Variants in ADCY2 observed in about 807,000 individuals in gnomAD.
ADCY2 encodes adenylate cyclase type 2.
A neutral mutation model predicts 125.2 loss-of-function variants in ADCY2; 31 were observed. That is an observed-to-expected ratio of 0.25 (90% CI 0.19 to 0.33). The LOEUF is 0.33. Ranked by LOEUF, ADCY2 falls within the 10% of genes least tolerant of loss-of-function variation. The pLI is 1.00. For missense variants in ADCY2, 904 were observed against 1,418.2 expected (o/e 0.64, Z 5.82); for synonymous variants, 512 against 548.4 (o/e 0.93, Z 0.93).
rs776900717 is a variant in ADCY2 at position 7,396,536 on chromosome 5, G to T, written c.210+30G>T. 6.5e-7 allele frequency: 1 copy of T among 1,538,488 alleles called. No individual in the cohort carries two copies. The highest frequency in any genetic ancestry group is 1.2e-5 in the South Asian group (1 of 85,720). On this transcript the variant is annotated intron_variant, in intron 1 of 24. Coordinates refer to ENST00000338316, the MANE Select transcript of ADCY2 (RefSeq NM_020546.3). The surrounding 1 kb of genome is among the most constrained non-coding windows in gnomAD (Gnocchi z 5.7). ...GTGGCCTCCCCGCGGGTCCAGCGCC[G>T]CGCCTTCCCCGGCCCTGAGAGGAGC...
chr5:7,420,961 C>G (rs1740180780), intron 2 of ADCY2, among the ~76,000 whole-genome samples: 1 of 152,094 alleles, frequency 6.6e-6, no homozygotes. Context: ...TGTCCTGGTG[C>G]ATCTAGTAAG....
In ADCY2 at chr5:7,709,383, C is replaced by G; in HGVS notation, c.1574C>G (p.Thr525Ser). 1 of 1,593,146 alleles carries G rather than the reference C, an allele frequency of 6.3e-7. No individual in the cohort carries two copies. The highest frequency in any genetic ancestry group is 8.5e-7 in the Non-Finnish European group (1 of 1,169,968). Residue 525 changes from threonine (T) to serine (S), a missense_variant, in exon 10 of 25, where the codon ACC becomes AGC. Around this residue, in one of 7 missense-constraint regions of ADCY2, gnomAD observed 144 missense variants for 227.7 expected, o/e 0.63. Coordinates refer to ENST00000338316, the MANE Select transcript of ADCY2 (RefSeq NM_020546.3). The surrounding 1 kb of genome is among the most constrained non-coding windows in gnomAD (Gnocchi z 4.4). ...SMTTENGKIS[T>S]TDVPMGQHNF... ...ACCACAGAGAACGGCAAGATCAGCA[C>G]CACGGTATGCCCTCCCCTGCCTCCA...
chr5:7,744,329 G>A (rs917258169), intron 15 of ADCY2, among the ~76,000 whole-genome samples: 1 of 152,048 alleles, frequency 6.6e-6, no homozygotes, highest in African/African-American at 2.4e-5. Context: ...CATGGCACAT[G>A]TATGCCTATG....
At chr5:7,677,793 C>A (rs1740184078) in intron 4 of ADCY2, among the ~76,000 whole-genome samples, 1 of 152,184 alleles carries the variant, frequency 6.6e-6, no homozygotes, top group Non-Finnish European at 1.5e-5. Flanking sequence ...TGTTCCAAAC[C>A]ACTAGTTTTG....
At chr5:7,512,307 G>A (rs1005970545) in intron 2 of ADCY2, among the ~76,000 whole-genome samples, 4 of 146,060 alleles carry the variant, frequency 2.7e-5, no homozygotes, top group African/African-American at 1.0e-4. Context: ...TTAACATATT[G>A]TTTTGACTTC....
rs1193876992 is a variant in ADCY2, at chr5:7,534,825, A to C, written c.570+13926A>C. Among the ~76,000 whole-genome samples, 3 of 152,198 alleles carry C rather than the reference A, an allele frequency of 2.0e-5. No individual in the cohort carries two copies. In the East Asian group the frequency reaches 5.8e-4, roughly 29 times the overall value. On this transcript the variant is annotated intron_variant, in intron 3 of 24. Coordinates refer to ENST00000338316, the MANE Select transcript of ADCY2 (RefSeq NM_020546.3). ...CCAGTGGTAAATCACTGATCAGAAG[A>C]TAAAGGTTGATGTGGTGGGGGCCTC...
intron 3 of ADCY2, among the ~76,000 whole-genome samples, chr5:7,560,845 T>C (rs1454682254): frequency 6.6e-6 from 1 of 152,044 alleles, no homozygotes; most frequent in Non-Finnish European, 1.5e-5. Context: ...TGCACCACCA[T>C]GCCTGGCTAA....
chr5:7,733,876 GAACCTTCAAGTGTCCAT>G (rs1327294606), intron 14 of ADCY2, among the ~76,000 whole-genome samples: 2 of 152,094 alleles, frequency 1.3e-5, no homozygotes, highest in African/African-American at 4.8e-5. Flanking sequence ...CCACATCTCA[GAACCTTCAAGTGTCCAT>G]AACATCTCAA....
rs1745499352 is a variant in ADCY2, at chr5:7,826,931, G to T, written c.*60G>T. The T allele has an allele frequency of 1.5e-5, 23 of 1,545,900 alleles. No individual in the cohort carries two copies. Reference sequence around the variant, plus strand: ...TTCAGGAAGGTATCACACACTTTCTGACTGCAACTTCTGTCCCTTGTTTTT... The same window carrying T: ...TTCAGGAAGGTATCACACACTTTCTTACTGCAACTTCTGTCCCTTGTTTTT... On this transcript the variant is annotated 3_prime_UTR_variant, in exon 25 of 25. Coordinates refer to ENST00000338316, the MANE Select transcript of ADCY2 (RefSeq NM_020546.3).
intron 3 of ADCY2, among the ~76,000 whole-genome samples, chr5:7,610,894 G>A (rs1737553853): frequency 6.6e-6 from 1 of 152,204 alleles, no homozygotes; most frequent in Non-Finnish European, 1.5e-5. Flanking sequence ...ATTTTAAAAT[G>A]CATAATCTAA....
chr5:7,510,857 T>C (rs1214988018), intron 2 of ADCY2, among the ~76,000 whole-genome samples: 1 of 152,232 alleles, frequency 6.6e-6, no homozygotes, highest in Non-Finnish European at 1.5e-5. Flanking sequence ...GAACACGATA[T>C]GAAGAGTTGT....
At chr5:7,606,906 T>C (rs544929712) in intron 3 of ADCY2, among the ~76,000 whole-genome samples, 109 of 152,338 alleles carry the variant, frequency 7.2e-4, no homozygotes, top group Non-Finnish European at 1.4e-3. Flanking sequence ...TTTGATGTCA[T>C]GTTATGTCCA....
intron 4 of ADCY2, among the ~76,000 whole-genome samples, chr5:7,666,477 T>C (rs141220724): frequency 0.012 from 1,732 of 148,048 alleles, 31 homozygotes; most frequent in African/African-American, 0.041. Flanking sequence ...ACCGTGTTAG[T>C]CAGGATGGTC....
At position 7,459,772 on chromosome 5, in the gene ADCY2, A is replaced by ATTTTTT. The variant is rs3033085; in HGVS notation, c.408+45030_408+45035dup. Among the ~76,000 whole-genome samples, 316 of 72,858 alleles carry ATTTTTT rather than the reference A, an allele frequency of 4.3e-3. 19 individuals carry two copies. Among genetic ancestry groups the ATTTTTT allele is most frequent in the African/African-American group, 0.013 (219 of 16,342 alleles). The allele number at this position is 72,858 out of a possible 152,430, so 47.8% of individuals were successfully genotyped here. ...GAACTATCTAGCAGTTTAAGAGGTA[A>ATTTTTT]TTTTTTTTTTTTTTTTTTTTTTTTT... On this transcript the variant is annotated intron_variant, in intron 2 of 24. Transcript: ENST00000338316.
chr5:7,657,519 G>A (rs1739380322), intron 4 of ADCY2, among the ~76,000 whole-genome samples: 1 of 152,162 alleles, frequency 6.6e-6, no homozygotes, highest in South Asian at 2.1e-4. Flanking sequence ...CCATTCCCAA[G>A]CCAATGCTAT....
chr5:7,675,963 A>T (rs544976344), intron 4 of ADCY2, among the ~76,000 whole-genome samples: 5 of 152,360 alleles, frequency 3.3e-5, no homozygotes, highest in African/African-American at 1.2e-4. Context: ...CTACAGGAGA[A>T]CATTTGTGAA....
intron 2 of ADCY2, among the ~76,000 whole-genome samples, chr5:7,436,740 C>G (rs1179994102): frequency 1.3e-5 from 2 of 152,204 alleles, no homozygotes; most frequent in Admixed American, 1.3e-4. Context: ...CTTGTGGGCT[C>G]CTGAGACAGC....
chr5:7,782,212 A>C (rs1482985534), intron 18 of ADCY2: 1 of 167,084 alleles, frequency 6.0e-6, no homozygotes, highest in East Asian at 1.9e-4. Flanking sequence ...AGCTTCCTCC[A>C]AGCTCCCCCT....
Position 7,706,722 on chromosome 5 carries a change from A to T in ADCY2, c.1110-22A>T, listed in dbSNP as rs879015990. ...AAACAGTGGATGTTACTTGATCATG[A>T]TCTTACTTCCCTTCTCTTTAGGAAA... is the stretch of plus-strand genomic sequence containing the variant. On this transcript the variant is annotated intron_variant, in intron 7 of 24. Transcript: ENST00000338316. The T allele has an allele frequency of 1.6e-5, 26 of 1,612,994 alleles. No individual in the cohort carries two copies. In the Admixed American group the frequency reaches 3.3e-4, roughly 21 times the overall value.
Sources: allele counts gnomAD v4.1 joint callset (sites outside exome capture counted in the v4.1 genomes callset), GRCh38; gene constraint gnomAD v4.1.1; regional missense constraint gnomAD v4.1.1; non-coding constraint Gnocchi (gnomAD v3.1); transcripts MANE v1.5; gene names NCBI Gene and HGNC (gene_info 2026-07-23, HGNC 2026-07-21).